The following CRYL1 variants were observed in gnomAD, a reference collection of about 807,000 sequenced individuals.
The protein encoded by CRYL1 is crystallin lambda 1, also known as lambda-crystallin homolog.
In CRYL1, 29 loss-of-function variants were observed where a neutral mutation model predicts 36.6. The ratio of observed to expected loss-of-function variants is 0.79; its 90% CI spans 0.59 to 1.08. The LOEUF (loss-of-function observed/expected upper bound fraction) is 1.08. Ranked by LOEUF, CRYL1 falls within the 50% of genes least tolerant of loss-of-function variation. The probability of loss-of-function intolerance (pLI) is 0.00; values close to 1 mark genes in which losing one functional copy is unlikely to be tolerated. For synonymous variants in CRYL1, 152 were observed against 151.5 expected, an observed-to-expected ratio of 1.00 and a Z score of -0.02; for missense variants, 411 against 407.9, an observed-to-expected ratio of 1.01 and a Z score of -0.06.
chr13:20,509,242 C>T (rs1472700186), intron 2 of CRYL1, among the ~76,000 whole-genome samples: 2 of 82,976 alleles, frequency 2.4e-5, no homozygotes, highest in Non-Finnish European at 4.7e-5. Context: ...ATCTTTTTGC[C>T]TCATAGTTTT....
intron 5 of CRYL1, chr13:20,431,556 C>T: frequency 9.9e-7 from 1 of 1,011,642 alleles, no homozygotes; most frequent in Non-Finnish European, 1.2e-6. Flanking sequence ...CAGGCCATTT[C>T]TTCACCTCCA....
At position 20,403,892 on chromosome 13, in the gene CRYL1, T is replaced by C. The variant is rs2031291181; in HGVS notation, c.*237A>G. The C allele has an allele frequency of 2.7e-6, 1 of 370,230 alleles. No individual in the cohort carries two copies. The allele number at this position is 370,230 out of a possible 1,614,324, so 22.9% of individuals were successfully genotyped here. On this transcript the variant is annotated 3_prime_UTR_variant, in exon 8 of 8. Coordinates refer to ENST00000298248, the MANE Select transcript of CRYL1 (RefSeq NM_015974.3). Reference sequence around the variant, plus strand: ...AAAATCTCCAGGTTATCTGCCCAGGTGGCAGGAAATCGACAGCCCCGAGAA... The same window carrying C: ...AAAATCTCCAGGTTATCTGCCCAGGCGGCAGGAAATCGACAGCCCCGAGAA...
At chr13:20,522,000 G>A (rs554800362) in intron 1 of CRYL1, among the ~76,000 whole-genome samples, 1 of 152,222 alleles carries the variant, frequency 6.6e-6, no homozygotes, top group African/African-American at 2.4e-5. Flanking sequence ...AAAATTAGCA[G>A]GAAAATACCT....
At chr13:20,455,938 C>T (rs1191105295) in intron 3 of CRYL1, among the ~76,000 whole-genome samples, 1 of 152,138 alleles carries the variant, frequency 6.6e-6, no homozygotes, top group African/African-American at 2.4e-5. Context: ...TAGATCCATA[C>T]AAATCTAAGC....
At chr13:20,475,835 G>A (rs540925111) in intron 3 of CRYL1, among the ~76,000 whole-genome samples, 4 of 152,268 alleles carry the variant, frequency 2.6e-5, no homozygotes, top group South Asian at 4.1e-4. Context: ...CTTCAAACGC[G>A]AGCAAAGCAA....
At chr13:20,405,337 G>C (rs2031341361) in intron 6 of CRYL1, among the ~76,000 whole-genome samples, 1 of 152,190 alleles carries the variant, frequency 6.6e-6, no homozygotes, top group African/African-American at 2.4e-5. Flanking sequence ...CATCTCATGG[G>C]ACCCTCCGGT....
chr13:20,494,999 G>A (rs915526061), intron 2 of CRYL1, among the ~76,000 whole-genome samples: 3 of 152,238 alleles, frequency 2.0e-5, no homozygotes, highest in Non-Finnish European at 4.4e-5. Flanking sequence ...AGTGAAAGCT[G>A]CGGAGGAGCT....
intron 6 of CRYL1, among the ~76,000 whole-genome samples, chr13:20,409,845 A>G (rs2031473896): frequency 6.6e-6 from 1 of 152,168 alleles, no homozygotes; most frequent in South Asian, 2.1e-4. Flanking sequence ...ACCATCTCAC[A>G]CCAGTTAGAA....
intron 2 of CRYL1, among the ~76,000 whole-genome samples, chr13:20,494,561 T>C (rs2033570827): frequency 6.6e-6 from 1 of 152,208 alleles, no homozygotes; most frequent in Non-Finnish European, 1.5e-5. Context: ...TAGGAAACTA[T>C]GTCTGAGCGC....
chr13:20,489,139 G>A (rs998341934), intron 3 of CRYL1, among the ~76,000 whole-genome samples: 6 of 152,122 alleles, frequency 3.9e-5, no homozygotes, highest in African/African-American at 9.7e-5. Context: ...GTGGCCTCAC[G>A]GATAAGGCAT....
At chr13:20,447,522 C>T (rs998965971) in intron 3 of CRYL1, among the ~76,000 whole-genome samples, 2 of 152,076 alleles carry the variant, frequency 1.3e-5, no homozygotes, top group Admixed American at 6.5e-5. Flanking sequence ...CCACCACCCC[C>T]CCTCCCTAGG....
At chr13:20,506,347 A>T (rs539588295) in intron 2 of CRYL1, among the ~76,000 whole-genome samples, 3 of 152,330 alleles carry the variant, frequency 2.0e-5, no homozygotes, top group African/African-American at 7.2e-5. Flanking sequence ...TAGGTACATA[A>T]GAATTCAGTA....
chr13:20,509,798 C>T (rs1787620067), intron 2 of CRYL1, among the ~76,000 whole-genome samples: 2 of 152,090 alleles, frequency 1.3e-5, no homozygotes, highest in South Asian at 4.1e-4. Flanking sequence ...GGCGTAGTGG[C>T]AGTCGCCTGT....
intron 3 of CRYL1, among the ~76,000 whole-genome samples, chr13:20,444,925 C>T (rs1472953625): frequency 1.3e-5 from 2 of 152,194 alleles, no homozygotes; most frequent in African/African-American, 4.8e-5. Context: ...AGCATGTTGG[C>T]CAGGCTGGTC....
At chr13:20,417,415 C>A (rs1044572631) in intron 5 of CRYL1, among the ~76,000 whole-genome samples, 11 of 152,136 alleles carry the variant, frequency 7.2e-5, no homozygotes, top group African/African-American at 2.7e-4. Flanking sequence ...CACAGCTGTG[C>A]GGAGATGGGA....
chr13:20,524,770 A>G (rs74038910), intron 1 of CRYL1, among the ~76,000 whole-genome samples: 3,761 of 152,112 alleles, frequency 0.025, 171 homozygotes, highest in African/African-American at 0.085. Context: ...TGCTCTGGAG[A>G]AAAGAAAGCT....
intron 1 of CRYL1, among the ~76,000 whole-genome samples, chr13:20,524,749 G>C (rs2034158382): frequency 6.6e-6 from 1 of 152,082 alleles, no homozygotes; most frequent in Non-Finnish European, 1.5e-5. Context: ...CAAAGGCACA[G>C]TTAACTCCAC....
intron 2 of CRYL1, among the ~76,000 whole-genome samples, chr13:20,511,112 T>C (rs1467740295): frequency 6.6e-6 from 1 of 152,198 alleles, no homozygotes; most frequent in African/African-American, 2.4e-5. Context: ...TGAGGCAAAG[T>C]CTCACTCTGC....
chr13:20,453,396 T>TTTTGTATATTTTGAAATATTCTAATATA (rs1565969049), intron 3 of CRYL1, among the ~76,000 whole-genome samples: 1 of 137,612 alleles, frequency 7.3e-6, no homozygotes, highest in African/African-American at 2.6e-5. Context: ...TTTTGAAATA[T>TTTTGTATATTTTGAAATATTCTAATATA]TTTGAATATT....
Sources: gnomAD v4.1 joint callset for allele counts (sites outside exome capture counted in the v4.1 genomes callset) on GRCh38, gnomAD v4.1.1 for gene constraint, MANE v1.5 for transcripts, NCBI Gene and HGNC (gene_info 2026-07-23, HGNC 2026-07-21) for gene names.